The following JPH3 variants were observed in gnomAD, a reference collection of about 807,000 sequenced individuals.
JPH3 encodes junctophilin-3.
Under a neutral mutation model 59.6 loss-of-function variants are expected in JPH3, and 11 were observed. The observed-to-expected ratio is 0.18, with a 90% confidence interval of 0.12 to 0.31. The LOEUF (loss-of-function observed/expected upper bound fraction) is 0.31, where lower values mean the gene tolerates loss of function less well. Among genes scored for constraint, JPH3 ranks in the 10% least tolerant of loss-of-function variants. The probability of loss-of-function intolerance (pLI) is 1.00; values close to 1 mark genes in which losing one functional copy is unlikely to be tolerated. For missense variants in JPH3, 1,202 were observed against 1,105.7 expected (o/e 1.09, Z -1.24); for synonymous variants, 673 against 483.6 (o/e 1.39, Z -5.14).
chr16:87,603,766 C>T (rs964869939), intron 1 of JPH3, among the ~76,000 whole-genome samples: 2 of 152,210 alleles, frequency 1.3e-5, no homozygotes, highest in African/African-American at 4.8e-5. Flanking sequence ...AGGGGCAGAG[C>T]CAGGCGGGGC....
At chr16:87,637,302 C>T (rs1485158934) in intron 1 of JPH3, among the ~76,000 whole-genome samples, 3 of 152,134 alleles carry the variant, frequency 2.0e-5, no homozygotes, top group African/African-American at 7.2e-5. Flanking sequence ...ACTTTCATCA[C>T]CCCAAAACCC....
intron 1 of JPH3, among the ~76,000 whole-genome samples, chr16:87,620,888 C>T (rs1597240260): frequency 6.6e-6 from 1 of 152,140 alleles, no homozygotes; most frequent in Admixed American, 6.5e-5. Context: ...GGGCTGGGTA[C>T]GGTGGCTCGC....
chr16:87,603,632 C>A, intron 1 of JPH3, 104 bp downstream of exon 1: 1 of 1,376,152 alleles, frequency 7.3e-7, no homozygotes, highest in Non-Finnish European at 9.7e-7. Flanking sequence ...TCCGGTTGGG[C>A]CGTGGGCACC....
intron 1 of JPH3, among the ~76,000 whole-genome samples, chr16:87,635,206 C>T (rs72810143): frequency 6.6e-6 from 1 of 152,058 alleles, no homozygotes; most frequent in African/African-American, 2.4e-5. Flanking sequence ...CCTTGCCCCA[C>T]CCTGGGACCT....
chr16:87,666,915 G>A (rs1027680853), intron 2 of JPH3, among the ~76,000 whole-genome samples: 6 of 152,202 alleles, frequency 3.9e-5, no homozygotes, highest in Admixed American at 1.3e-4. Flanking sequence ...CCAGGCCGTC[G>A]GCTCCTGGGC....
At chr16:87,626,379 C>T (rs979034510) in intron 1 of JPH3, among the ~76,000 whole-genome samples, 4 of 152,228 alleles carry the variant, frequency 2.6e-5, no homozygotes, top group African/African-American at 9.6e-5. Flanking sequence ...TGCCTCTCTC[C>T]GACCGCGAGT....
intron 1 of JPH3, among the ~76,000 whole-genome samples, chr16:87,624,482 T>C (rs1020247482): frequency 2.0e-5 from 3 of 152,258 alleles, no homozygotes; most frequent in Non-Finnish European, 2.9e-5. Context: ...GGGAGCTGCA[T>C]GAGTCCACTT....
chr16:87,667,455 C>T (rs908649916), intron 2 of JPH3, among the ~76,000 whole-genome samples: 1 of 152,232 alleles, frequency 6.6e-6, no homozygotes, highest in South Asian at 2.1e-4. Context: ...CCGACTTCCC[C>T]AGCCCTGTTC....
At chr16:87,652,090 T>C (rs2032342105) in intron 2 of JPH3, among the ~76,000 whole-genome samples, 3 of 151,962 alleles carry the variant, frequency 2.0e-5, no homozygotes, top group Non-Finnish European at 4.4e-5. Flanking sequence ...TTCTCCTGCC[T>C]CAGCCTCCCA....
chr16:87,603,037 C>G lies in JPH3; in HGVS notation c.-110C>G. 1 of 1,442,244 alleles carries G rather than the reference C, an allele frequency of 6.9e-7. No individual in the cohort carries two copies. The highest frequency in any genetic ancestry group is 1.4e-5 in the African/African-American group (1 of 70,116). 89.3% of individuals were successfully genotyped at this position (1,442,244 alleles called of 1,614,324 possible). On this transcript the variant is annotated 5_prime_UTR_variant, in exon 1 of 5. Coordinates refer to ENST00000284262, the MANE Select transcript of JPH3 (RefSeq NM_020655.4). ...CCGCGCTCCGGGGCCGCGTCCTCCT[C>G]TCCTCCGGAAAACGCTCGCGACCCA...
intron 1 of JPH3, among the ~76,000 whole-genome samples, chr16:87,628,721 C>G (rs2031465319): frequency 6.6e-6 from 1 of 152,094 alleles, no homozygotes; most frequent in South Asian, 2.1e-4. Context: ...CTAGCGTGGC[C>G]CGGATGTGTG....
chr16:87,628,518 C>T (rs916431778), intron 1 of JPH3, among the ~76,000 whole-genome samples: 16 of 152,206 alleles, frequency 1.1e-4, no homozygotes, highest in Non-Finnish European at 2.2e-4. Flanking sequence ...AAAGAATATT[C>T]CTACAGAGTG....
Position 87,690,256 on chromosome 16 carries a change from G to A in JPH3, c.1896G>A (p.Lys632=), listed in dbSNP as rs1389031570. The A allele has an allele frequency of 6.2e-7, 1 of 1,604,046 alleles. No individual in the cohort carries two copies. The highest frequency in any genetic ancestry group is 8.5e-7 in the Non-Finnish European group (1 of 1,175,822). The change falls in exon 4 of 5, where the codon AAG becomes AAA. Residue 632 remains lysine, a synonymous_variant. Transcript: ENST00000284262. ...ATCCCCAGAAAAGACGCTACAGCAA[G>A]GGCGGCGCCTGCCGGGGCTTGGGGG... The part of the protein sequence containing the change: ...ETHPQKRRYS[K]GGACRGLGDD...
chr16:87,686,633 C>T (rs533662252), intron 3 of JPH3, among the ~76,000 whole-genome samples: 19 of 149,520 alleles, frequency 1.3e-4, no homozygotes, highest in African/African-American at 4.7e-4. Flanking sequence ...CTGGAGGGCT[C>T]AGTCCTGGAT....
chr16:87,623,283 G>T (rs1378867589), intron 1 of JPH3, among the ~76,000 whole-genome samples: 1 of 152,216 alleles, frequency 6.6e-6, no homozygotes, highest in African/African-American at 2.4e-5. Context: ...ATAGAGGGCT[G>T]CAGGGGCAGG....
At chr16:87,609,414 A>G (rs948938669) in intron 1 of JPH3, among the ~76,000 whole-genome samples, 2 of 152,090 alleles carry the variant, frequency 1.3e-5, no homozygotes, top group African/African-American at 4.8e-5. Context: ...TTACAGGCAT[A>G]CACCACCACA....
At chr16:87,695,301 G>C (rs746359400) in intron 4 of JPH3, 1 of 456,050 alleles carries the variant, frequency 2.2e-6, no homozygotes, top group South Asian at 1.5e-5. Flanking sequence ...AGACTTGGGG[G>C]CTTAAAGGAG....
At chr16:87,655,342 T>A (rs1487245438) in intron 2 of JPH3, among the ~76,000 whole-genome samples, 1 of 49,920 alleles carries the variant, frequency 2.0e-5, no homozygotes, top group Non-Finnish European at 3.7e-5. Flanking sequence ...ATAATTTTAT[T>A]TTTTGTGACA....
chr16:87,634,503 G>A (rs766159324), intron 1 of JPH3, among the ~76,000 whole-genome samples: 1 of 152,204 alleles, frequency 6.6e-6, no homozygotes, highest in Non-Finnish European at 1.5e-5. Flanking sequence ...CTTTCTCTGC[G>A]GGTTGGCTTC....
Sources: gnomAD v4.1 joint callset for allele counts (sites outside exome capture counted in the v4.1 genomes callset) on GRCh38, gnomAD v4.1.1 for gene constraint, MANE v1.5 for transcripts, NCBI Gene and HGNC (gene_info 2026-07-23, HGNC 2026-07-21) for gene names.